Variants in TNKS2 observed in about 807,000 individuals in gnomAD.
TNKS2 encodes the protein poly [ADP-ribose] polymerase tankyrase-2.
TNKS2 carries 72 observed loss-of-function variants against 137.6 expected under a neutral mutation model. That is an observed-to-expected ratio of 0.52 (90% CI 0.43 to 0.64). The LOEUF is 0.64. Among genes scored for constraint, TNKS2 ranks in the 30% least tolerant of loss-of-function variants. The probability of loss-of-function intolerance (pLI) is 0.00; values close to 1 mark genes in which losing one functional copy is unlikely to be tolerated. For missense variants in TNKS2, 1,049 were observed against 1,410.2 expected (o/e 0.74, Z 4.10); for synonymous variants, 516 against 512.1 (o/e 1.01, Z -0.10).
intron 2 of TNKS2, 44 bp from the exon 3 acceptor site, chr10:91,817,090 T>C (rs1844727185): frequency 7.3e-7 from 1 of 1,372,026 alleles, no homozygotes; most frequent in South Asian, 1.2e-5. Flanking sequence ...AATCAAGTTG[T>C]TAAGATTACC....
At chr10:91,819,597 T>C in intron 5 of TNKS2, 40 bp downstream of exon 5, 2 of 1,429,382 alleles carry the variant, frequency 1.4e-6, no homozygotes, top group Non-Finnish European at 1.9e-6. Context: ...TATCTCCTGG[T>C]AACATGAAGA....
intron 2 of TNKS2, among the ~76,000 whole-genome samples, chr10:91,816,240 A>C (rs1334795279): frequency 6.6e-6 from 1 of 151,884 alleles, no homozygotes; most frequent in African/African-American, 2.4e-5. Context: ...GAGCCACCAC[A>C]CCCAGCCAAG....
At chr10:91,832,824 T>C (rs998924308) in intron 11 of TNKS2, among the ~76,000 whole-genome samples, 9 of 152,016 alleles carry the variant, frequency 5.9e-5, no homozygotes, top group Non-Finnish European at 1.0e-4. Context: ...TTGTGAAAAA[T>C]TTCAAAGATA....
At position 91,863,868 on chromosome 10, in the gene TNKS2, G is replaced by A. The variant is rs1007896030; in HGVS notation, c.*869G>A. ...TTTTTTAGAGAAACTAAATCTTGCT[G>A]TTGAACAATTATTGTGTTCTTTTCA... On this transcript the variant is annotated 3_prime_UTR_variant, in exon 27 of 27. Transcript: ENST00000371627. 1 of 152,044 alleles carries A rather than the reference G, an allele frequency of 6.6e-6. No homozygotes were observed. Among genetic ancestry groups the A allele is most frequent in the South Asian group, 2.1e-4 (1 of 4,820 alleles). 9.4% of individuals were successfully genotyped at this position (152,044 alleles called of 1,614,324 possible). A position where few individuals can be genotyped will look rare whatever the true frequency, so the allele number is the denominator to read the frequency against.
chr10:91,856,046 C>T (rs897833118), intron 23 of TNKS2, among the ~76,000 whole-genome samples: 17 of 152,104 alleles, frequency 1.1e-4, no homozygotes, highest in African/African-American at 4.1e-4. Context: ...TATAGTCATA[C>T]AATGCTTATT....
Position 91,863,152 on chromosome 10 carries a change from G to C in TNKS2, c.*153G>C. 1.8e-6 allele frequency: 1 copy of C among 565,994 alleles called. No homozygotes were observed. The allele number at this position is 565,994 out of a possible 1,614,324, so 35.1% of individuals were successfully genotyped here. A position where few individuals can be genotyped will look rare whatever the true frequency, so the allele number is the denominator to read the frequency against. ...TGAACGAAGTTTAACATTCTGACTT[G>C]ATAAAGCTTTAATAATGTACAGTGT... On this transcript the variant is annotated 3_prime_UTR_variant, in exon 27 of 27. Transcript: ENST00000371627.
rs10691725 is a variant in TNKS2, at chr10:91,815,948, CTTTTTTT to C, written c.425-1174_425-1168del. ...CACAGAGCAAAACACAAGACTTTCTCTTTTTTTTTTTTTTTTTTGAGACGGAGTCTTG... is the reference window on the plus strand; with the variant it reads ...CACAGAGCAAAACACAAGACTTTCTCTTTTTTTTTTTGAGACGGAGTCTTG... On this transcript the variant is annotated intron_variant, in intron 2 of 26. Transcript: ENST00000371627. Among the ~76,000 whole-genome samples the C allele has an allele frequency of 9.6e-5, 12 of 125,140 alleles. No homozygotes were observed. The South Asian group carries it at 3.0e-3, about 31-fold the overall frequency. 82.1% of individuals were successfully genotyped at this position (125,140 alleles called of 152,430 possible).
rs1177859165 is a variant in TNKS2 at position 91,863,904 on chromosome 10, G to A, written c.*905G>A. ...ATTGTGTTCTTTTCATGGAACATAA[G>A]TAGGATGTTACATTTCCAGGGTGGG... On this transcript the variant is annotated 3_prime_UTR_variant, in exon 27 of 27. Coordinates refer to ENST00000371627, the MANE Select transcript of TNKS2 (RefSeq NM_025235.4). 1 of 152,002 alleles carries A rather than the reference G, an allele frequency of 6.6e-6. No homozygotes were observed. Among genetic ancestry groups the A allele is most frequent in the Non-Finnish European group, 1.5e-5 (1 of 67,986 alleles). 9.4% of individuals were successfully genotyped at this position (152,002 alleles called of 1,614,324 possible).
At chr10:91,838,015 T>G (rs1343409541) in intron 13 of TNKS2, among the ~76,000 whole-genome samples, 2 of 150,254 alleles carry the variant, frequency 1.3e-5, no homozygotes, top group African/African-American at 4.9e-5. Flanking sequence ...ACATGAAAAT[T>G]GAGTTGAAAG....
chr10:91,817,861 T>G (rs548015162), intron 3 of TNKS2, among the ~76,000 whole-genome samples: 2 of 152,338 alleles, frequency 1.3e-5, no homozygotes, highest in East Asian at 3.9e-4. Flanking sequence ...ATTATCTCCC[T>G]TGTTAATGTG....
At chr10:91,843,271 A>C (rs1842269744) in intron 16 of TNKS2, among the ~76,000 whole-genome samples, 1 of 152,178 alleles carries the variant, frequency 6.6e-6, no homozygotes. Flanking sequence ...AGGTGTTGGC[A>C]GAGTTGGTTT....
In TNKS2 at chr10:91,801,549, C is replaced by T. The variant is rs192126782; in HGVS notation, c.199+2660C>T. Among the ~76,000 whole-genome samples, 41 of 152,116 alleles carry T rather than the reference C, an allele frequency of 2.7e-4. No homozygotes were observed. The East Asian group carries it at 7.4e-3, about 27-fold the overall frequency. Reference sequence around the variant, plus strand: ...AGTGCAGCGTCACGATCTCAGCTCACTGCAACCCCCACCTTCCGGGTTCGA... The same window carrying T: ...AGTGCAGCGTCACGATCTCAGCTCATTGCAACCCCCACCTTCCGGGTTCGA... On this transcript the variant is annotated intron_variant, in intron 1 of 26. Coordinates refer to ENST00000371627, the MANE Select transcript of TNKS2 (RefSeq NM_025235.4).
intron 18 of TNKS2, among the ~76,000 whole-genome samples, chr10:91,847,465 A>T (rs571162058): frequency 6.6e-6 from 1 of 152,076 alleles, no homozygotes; most frequent in African/African-American, 2.4e-5. Context: ...CCCAGGTTCA[A>T]ATGATTCTGC....
chr10:91,824,710 G>A (rs1845010237), intron 7 of TNKS2, among the ~76,000 whole-genome samples: 1 of 152,162 alleles, frequency 6.6e-6, no homozygotes, highest in Non-Finnish European at 1.5e-5. Flanking sequence ...AGCTGGGAAG[G>A]ATAACTAATA....
intron 11 of TNKS2, among the ~76,000 whole-genome samples, chr10:91,833,210 G>T (rs1841877733): frequency 6.6e-6 from 1 of 152,132 alleles, no homozygotes; most frequent in African/African-American, 2.4e-5. Context: ...TCTCCACTTT[G>T]ACAGATAACC....
chr10:91,857,549 A>G lies in TNKS2; in HGVS notation c.3094+19A>G, dbSNP rs1340420. On this transcript the variant is annotated intron_variant, in intron 24 of 26. Transcript: ENST00000371627. ...TTTCATGGTAAGATTCCTCCCCACC[A>G]ACTCTACCACTGTCTTCCACATTAG... 0.63 allele frequency: 975,335 copies of G among 1,541,984 alleles called. 317,723 individuals are homozygous for G. The highest frequency in any genetic ancestry group is 0.93 in the East Asian group (41,296 of 44,454).
rs775177758 is a variant in TNKS2, at chr10:91,841,252, G to A, written c.1674-31G>A. The stretch of plus-strand genomic sequence containing the variant: ...TATTTAAATTAAAACATGTTCTTCT[G>A]TGGCATTATTGTTCATTTATTACTT... On this transcript the variant is annotated intron_variant, in intron 14 of 26. Coordinates refer to ENST00000371627, the MANE Select transcript of TNKS2 (RefSeq NM_025235.4). 5.4e-6 allele frequency: 8 copies of A among 1,477,952 alleles called. No individual in the cohort carries two copies. The South Asian group carries it at 1.2e-4, about 21-fold the overall frequency. 91.6% of individuals were successfully genotyped at this position (1,477,952 alleles called of 1,614,324 possible).
chr10:91,851,631 T>G (rs1589690952), intron 21 of TNKS2, among the ~76,000 whole-genome samples: 1 of 152,242 alleles, frequency 6.6e-6, no homozygotes, highest in South Asian at 2.1e-4. Context: ...GAAGTTATTC[T>G]AGCTCTTAAA....
At position 91,848,516 on chromosome 10, in the gene TNKS2, G is replaced by C; in HGVS notation, c.2492G>C (p.Ser831Thr). 2 of 1,614,114 alleles carry C rather than the reference G, an allele frequency of 1.2e-6. No individual in the cohort carries two copies. Among genetic ancestry groups the C allele is most frequent in the Non-Finnish European group, 1.7e-6 (2 of 1,180,028 alleles). Residue 831 changes from serine to threonine, a missense_variant, in exon 19 of 27, where the codon AGC becomes ACC. By Grantham distance (58) the Ser-to-Thr change is moderately conservative. Around this residue, in one of 6 missense-constraint regions of TNKS2, gnomAD observed 208 missense variants for 231.2 expected, o/e 0.90. Transcript: ENST00000371627. ...GATGCTCTCTCTTCAGGTCCATCTA[G>C]CCCATCAAGCCTTTCTGCAGCCAGC... ...TADALSSGPSSPSSLSAASSL... is the reference protein window; with the variant it reads ...TADALSSGPSTPSSLSAASSL...
Sources: gnomAD v4.1 joint callset for allele counts (sites outside exome capture counted in the v4.1 genomes callset) on GRCh38, gnomAD v4.1.1 for gene constraint, gnomAD v4.1.1 regional missense constraint, MANE v1.5 for transcripts, NCBI Gene and HGNC (gene_info 2026-07-23, HGNC 2026-07-21) for gene names.